Variants in SDHAF3 observed in about 807,000 individuals in gnomAD.
SDHAF3 encodes succinate dehydrogenase complex assembly factor 3, also known as succinate dehydrogenase assembly factor 3, mitochondrial.
Under a neutral mutation model 11.5 loss-of-function variants are expected in SDHAF3, and 18 were observed. The ratio of observed to expected loss-of-function variants is 1.56; its 90% CI spans 1.08 to 2.32. The LOEUF is 2.32. SDHAF3 is among the 30% of genes most tolerant of loss of function. The pLI, the probability that SDHAF3 is intolerant of heterozygous loss-of-function variation, is 0.00. For missense variants in SDHAF3, 200 were observed against 154.4 expected, an observed-to-expected ratio of 1.30 and a Z score of -1.57; for synonymous variants, 72 against 59.3, an observed-to-expected ratio of 1.21 and a Z score of -0.99.
intron 1 of SDHAF3, among the ~76,000 whole-genome samples, chr7:97,153,473 C>G (rs921310786): frequency 6.6e-6 from 1 of 152,170 alleles, no homozygotes; most frequent in Non-Finnish European, 1.5e-5. Flanking sequence ...TGGTTGCTTC[C>G]AAGTTTTGTC....
chr7:97,180,231 T>C (rs1230661822), intron 1 of SDHAF3, among the ~76,000 whole-genome samples: 2 of 152,210 alleles, frequency 1.3e-5, no homozygotes, highest in African/African-American at 4.8e-5. Context: ...AAATTGTAAT[T>C]GAAGACATAG....
intron 1 of SDHAF3, among the ~76,000 whole-genome samples, chr7:97,143,048 C>T (rs898878758): frequency 6.6e-5 from 10 of 151,480 alleles, no homozygotes; most frequent in Admixed American, 3.9e-4. Context: ...TACAGGCAGA[C>T]GCCACCACAT....
chr7:97,125,574 C>G (rs962394584), intron 1 of SDHAF3, among the ~76,000 whole-genome samples: 2 of 152,166 alleles, frequency 1.3e-5, no homozygotes, highest in African/African-American at 4.8e-5. Context: ...TGCCTTATTT[C>G]AGTAAGTTGA....
intron 1 of SDHAF3, among the ~76,000 whole-genome samples, chr7:97,164,165 C>T (rs1176059738): frequency 2.0e-5 from 3 of 151,300 alleles, no homozygotes; most frequent in Non-Finnish European, 2.9e-5. Flanking sequence ...AAGACGGTCT[C>T]GATCTCCTCT....
chr7:97,123,976 T>A (rs1468391404), intron 1 of SDHAF3, among the ~76,000 whole-genome samples: 1 of 152,192 alleles, frequency 6.6e-6, no homozygotes, highest in Non-Finnish European at 1.5e-5. Context: ...TAGTTTCTTT[T>A]GCTGAGCAGA....
chr7:97,154,543 G>A (rs1789274185), intron 1 of SDHAF3, among the ~76,000 whole-genome samples: 1 of 151,860 alleles, frequency 6.6e-6, no homozygotes, highest in Non-Finnish European at 1.5e-5. Context: ...TCAGTTATGT[G>A]GTTTGCAAAT....
At chr7:97,167,454 T>C (rs1789526603) in intron 1 of SDHAF3, among the ~76,000 whole-genome samples, 1 of 152,198 alleles carries the variant, frequency 6.6e-6, no homozygotes, top group Non-Finnish European at 1.5e-5. Context: ...GTTTTTTTAA[T>C]AGAGAAGTGT....
At chr7:97,122,427 G>A (rs2115614554) in intron 1 of SDHAF3, among the ~76,000 whole-genome samples, 2 of 152,030 alleles carry the variant, frequency 1.3e-5, no homozygotes, top group Middle Eastern at 3.4e-3. Context: ...GTAGATGGAT[G>A]TAGTAATCCC....
At chr7:97,159,331 T>C (rs1013986061) in intron 1 of SDHAF3, among the ~76,000 whole-genome samples, 1 of 152,208 alleles carries the variant, frequency 6.6e-6, no homozygotes, top group Non-Finnish European at 1.5e-5. Context: ...ACCTTTTAGA[T>C]TTCCAGAAAT....
chr7:97,146,744 C>T (rs1355016815), intron 1 of SDHAF3, among the ~76,000 whole-genome samples: 1 of 150,852 alleles, frequency 6.6e-6, no homozygotes, highest in Non-Finnish European at 1.5e-5. Flanking sequence ...TATTTTTTTG[C>T]ATTTAAATTA....
At chr7:97,159,133 G>C (rs963740373) in intron 1 of SDHAF3, among the ~76,000 whole-genome samples, 17 of 152,140 alleles carry the variant, frequency 1.1e-4, no homozygotes, top group Non-Finnish European at 1.8e-4. Flanking sequence ...CACATAATTA[G>C]TGCCAGCCTC....
At position 97,158,515 on chromosome 7, in the gene SDHAF3, C is replaced by T. The variant is rs372426312; in HGVS notation, c.175-22497C>T. ...CTAATTTTTGTATTTTTAATAGAGA[C>T]GGGGTTTCACCATGTTGGCCAGGCT... On this transcript the variant is annotated intron_variant, in intron 1 of 1. Coordinates refer to ENST00000432641, the MANE Select transcript of SDHAF3 (RefSeq NM_020186.3). Among the ~76,000 whole-genome samples, 102 of 152,184 alleles carry T rather than the reference C, an allele frequency of 6.7e-4. 4 individuals are homozygous for T. The South Asian group carries it at 0.018, about 27-fold the overall frequency.
intron 1 of SDHAF3, among the ~76,000 whole-genome samples, chr7:97,124,903 C>T (rs112316213): frequency 0.11 from 16,301 of 152,120 alleles, 883 homozygotes; most frequent in Middle Eastern, 0.16. Flanking sequence ...TGGGCTGAGA[C>T]GATGGGGTTT....
chr7:97,170,491 T>C (rs1789588779), intron 1 of SDHAF3, among the ~76,000 whole-genome samples: 1 of 152,214 alleles, frequency 6.6e-6, no homozygotes, highest in Admixed American at 6.5e-5. Flanking sequence ...AGAATGTGCT[T>C]ATTTTCTGTG....
rs1021042205 is a variant in SDHAF3 at position 97,136,461 on chromosome 7, A to G, written c.174+18564A>G. On this transcript the variant is annotated intron_variant, in intron 1 of 1. Coordinates refer to ENST00000432641, the MANE Select transcript of SDHAF3 (RefSeq NM_020186.3). ...TTCATGTGAAGAATTCCGATTTGGTACTTTCAGTAAGTAAGACCTGCCAGA... is the reference window on the plus strand; with the variant it reads ...TTCATGTGAAGAATTCCGATTTGGTGCTTTCAGTAAGTAAGACCTGCCAGA... 2.6e-5 allele frequency: 17 copies of G among 653,550 alleles called. No individual in the cohort carries two copies. In the Admixed American group the frequency reaches 3.8e-4, roughly 15 times the overall value. 40.5% of individuals were successfully genotyped at this position (653,550 alleles called of 1,614,324 possible). A position where few individuals can be genotyped will look rare whatever the true frequency, so the allele number is the denominator to read the frequency against.
rs529071348 is a variant in SDHAF3, at chr7:97,135,757, G to A, written c.174+17860G>A. ...GGCTGGAGTGCAGTGGCTCAATCTCGGCTCACTGCAAGCTCCGCCTCCCAG... is the reference window on the plus strand; with the variant it reads ...GGCTGGAGTGCAGTGGCTCAATCTCAGCTCACTGCAAGCTCCGCCTCCCAG... On this transcript the variant is annotated intron_variant, in intron 1 of 1. Transcript: ENST00000432641. Among the ~76,000 whole-genome samples, 7 of 142,386 alleles carry A rather than the reference G, an allele frequency of 4.9e-5. No individual in the cohort carries two copies. In the East Asian group the frequency reaches 1.0e-3, roughly 21 times the overall value. The allele number at this position is 142,386 out of a possible 152,430, so 93.4% of individuals were successfully genotyped here.
intron 1 of SDHAF3, among the ~76,000 whole-genome samples, chr7:97,160,280 C>A (rs1008754649): frequency 2.1e-5 from 3 of 142,846 alleles, no homozygotes; most frequent in Non-Finnish European, 4.5e-5. Flanking sequence ...AAGTGAGGAG[C>A]GCCTCTGCCC....
intron 1 of SDHAF3, among the ~76,000 whole-genome samples, chr7:97,164,804 A>C (rs1227224920): frequency 6.6e-6 from 1 of 152,168 alleles, no homozygotes; most frequent in African/African-American, 2.4e-5. Flanking sequence ...CAATGTGGGG[A>C]TGGAGGGATG....
chr7:97,173,242 T>A (rs1038509723), intron 1 of SDHAF3, among the ~76,000 whole-genome samples: 1 of 152,208 alleles, frequency 6.6e-6, no homozygotes, highest in Non-Finnish European at 1.5e-5. Flanking sequence ...ATTGAAATAG[T>A]TTTAGTTGAA....
Sources: allele counts gnomAD v4.1 joint callset (sites outside exome capture counted in the v4.1 genomes callset), GRCh38; gene constraint gnomAD v4.1.1; transcripts MANE v1.5; gene names NCBI Gene and HGNC (gene_info 2026-07-23, HGNC 2026-07-21).